The following DNAJC5B variants were observed in gnomAD, a reference collection of about 807,000 sequenced individuals.
DNAJC5B encodes DnaJ heat shock protein family (Hsp40) member C5 beta, also known as dnaJ homolog subfamily C member 5B.
In DNAJC5B, 23 loss-of-function variants were observed where a neutral mutation model predicts 24.7. The observed-to-expected ratio is 0.93, with a 90% CI of 0.67 to 1.32. DNAJC5B has a LOEUF of 1.32. DNAJC5B is among the 40% of genes most tolerant of loss of function. The pLI is 0.00. For missense variants in DNAJC5B, 238 were observed against 240.8 expected (o/e 0.99, Z 0.08); for synonymous variants, 101 against 90.1 (o/e 1.12, Z -0.68).
At chr8:66,045,940 A>G (rs1057459785) in intron 2 of DNAJC5B, among the ~76,000 whole-genome samples, 2 of 152,186 alleles carry the variant, frequency 1.3e-5, no homozygotes, top group African/African-American at 4.8e-5. Flanking sequence ...AGTGCTGCCC[A>G]ACGCCAAACC....
intron 5 of DNAJC5B, among the ~76,000 whole-genome samples, chr8:66,087,240 C>T (rs527741726): frequency 3.5e-4 from 53 of 152,234 alleles, no homozygotes; most frequent in African/African-American, 1.2e-3. Flanking sequence ...AGGGGAAGTT[C>T]CACACTTTTA....
At chr8:66,023,580 G>A (rs1398549061) in intron 1 of DNAJC5B, among the ~76,000 whole-genome samples, 2 of 152,036 alleles carry the variant, frequency 1.3e-5, no homozygotes, top group African/African-American at 4.8e-5. Flanking sequence ...TCTTCCTGTG[G>A]CCTTGTCTTT....
intron 4 of DNAJC5B, 106 bp from the exon 5 acceptor site, chr8:66,080,271 A>C: frequency 6.8e-7 from 1 of 1,477,776 alleles, no homozygotes; most frequent in South Asian, 1.3e-5. Flanking sequence ...GTGAACTGTG[A>C]AGTGTTCAGG....
At chr8:66,079,948 C>G (rs1008163418) in intron 4 of DNAJC5B, among the ~76,000 whole-genome samples, 4 of 152,046 alleles carry the variant, frequency 2.6e-5, no homozygotes, top group Non-Finnish European at 5.9e-5. Flanking sequence ...GGGGAGGTAT[C>G]GGACAGTTCA....
intron 1 of DNAJC5B, among the ~76,000 whole-genome samples, chr8:66,024,050 G>T (rs116817997): frequency 1.3e-5 from 2 of 152,078 alleles, no homozygotes; most frequent in South Asian, 2.1e-4. Context: ...AGTCATCAGC[G>T]CCATCATTAA....
intron 1 of DNAJC5B, among the ~76,000 whole-genome samples, chr8:66,039,536 G>C (rs752589459): frequency 6.6e-6 from 1 of 151,942 alleles, no homozygotes; most frequent in Non-Finnish European, 1.5e-5. Context: ...TTTTAGTAGA[G>C]ACGGGGTTTC....
At chr8:66,057,299 A>G (rs1183357838) in intron 3 of DNAJC5B, 1 of 152,218 alleles carries the variant, frequency 6.6e-6, no homozygotes, top group Non-Finnish European at 1.5e-5. Flanking sequence ...AACACAAATA[A>G]TAAAACTAAC....
chr8:66,095,334 C>CCTT (rs1241589306), intron 5 of DNAJC5B, among the ~76,000 whole-genome samples: 1 of 151,930 alleles, frequency 6.6e-6, no homozygotes, highest in African/African-American at 2.4e-5. Flanking sequence ...TTCCTCTTAT[C>CCTT]CTTCATACAT....
intron 4 of DNAJC5B, among the ~76,000 whole-genome samples, chr8:66,079,883 T>G (rs1807553083): frequency 6.6e-6 from 1 of 152,026 alleles, no homozygotes; most frequent in Non-Finnish European, 1.5e-5. Context: ...TGCAAGAGAC[T>G]TGAGGAGAGA....
intron 3 of DNAJC5B, among the ~76,000 whole-genome samples, chr8:66,061,924 G>A (rs1169892443): frequency 2.0e-5 from 3 of 152,084 alleles, no homozygotes; most frequent in Admixed American, 1.3e-4. Context: ...TGACAAGGAG[G>A]CATTCAGGTG....
upstream of DNAJC5B, among the ~76,000 whole-genome samples, chr8:66,019,817 CA>C (rs1236282315): frequency 6.6e-6 from 1 of 152,124 alleles, no homozygotes; most frequent in African/African-American, 2.4e-5. Context: ...AACAGTGCTT[CA>C]AAAAACCTCT....
intron 3 of DNAJC5B, among the ~76,000 whole-genome samples, chr8:66,075,472 AT>A (rs1807441720): frequency 6.6e-6 from 1 of 152,300 alleles, no homozygotes; most frequent in South Asian, 2.1e-4. Flanking sequence ...AAGTAAAAAA[AT>A]GACAAAAGGC....
At chr8:66,097,339 CAA>C (rs764675671) in intron 5 of DNAJC5B, among the ~76,000 whole-genome samples, 3 of 151,438 alleles carry the variant, frequency 2.0e-5, no homozygotes, top group Non-Finnish European at 4.4e-5. Flanking sequence ...CTTAATTTGT[CAA>C]AGTTTAAAGT....
At chr8:66,045,433 A>G (rs912062874) in intron 2 of DNAJC5B, among the ~76,000 whole-genome samples, 1 of 152,256 alleles carries the variant, frequency 6.6e-6, no homozygotes, top group African/African-American at 2.4e-5. Context: ...TTTAGTGGGA[A>G]TAGATTATAA....
At chr8:66,053,791 G>T (rs752974696) in intron 3 of DNAJC5B, among the ~76,000 whole-genome samples, 4 of 152,010 alleles carry the variant, frequency 2.6e-5, no homozygotes, top group African/African-American at 9.7e-5. Flanking sequence ...CACCATGCCC[G>T]GCTAATTTTG....
intron 1 of DNAJC5B, among the ~76,000 whole-genome samples, chr8:66,034,993 T>A (rs1479616063): frequency 6.6e-6 from 1 of 152,236 alleles, no homozygotes; most frequent in Non-Finnish European, 1.5e-5. Flanking sequence ...CATTAAAAAC[T>A]GTGCTAAATA....
chr8:66,041,105 C>T (rs1478084721), intron 1 of DNAJC5B, among the ~76,000 whole-genome samples: 1 of 152,066 alleles, frequency 6.6e-6, no homozygotes, highest in Admixed American at 6.6e-5. Flanking sequence ...AGTAAGTTAA[C>T]ACAATGAATC....
intron 5 of DNAJC5B, among the ~76,000 whole-genome samples, chr8:66,096,740 C>G (rs1367805910): frequency 6.6e-6 from 1 of 152,058 alleles, no homozygotes; most frequent in East Asian, 1.9e-4. Flanking sequence ...ATTTTAGTCT[C>G]TATTTTTATC....
chr8:66,067,203 C>T (rs1472344385), intron 3 of DNAJC5B, among the ~76,000 whole-genome samples: 1 of 148,660 alleles, frequency 6.7e-6, no homozygotes, highest in Admixed American at 6.8e-5. Flanking sequence ...CTTCCCACCG[C>T]CCCCCACCCC....
Sources: allele counts gnomAD v4.1 joint callset (sites outside exome capture counted in the v4.1 genomes callset), GRCh38; gene constraint gnomAD v4.1.1; transcripts MANE v1.5; gene names NCBI Gene and HGNC (gene_info 2026-07-23, HGNC 2026-07-21).